Variants in RANBP17 observed in about 807,000 individuals in gnomAD.
RANBP17 encodes the protein RAN binding protein 17, also known as ran-binding protein 17.
Under a neutral mutation model 141.2 loss-of-function variants are expected in RANBP17, and 158 were observed. That is an observed-to-expected ratio of 1.12 (90% CI 0.98 to 1.28). The LOEUF (loss-of-function observed/expected upper bound fraction) is 1.28. Ranked by LOEUF, RANBP17 falls within the 50% of genes most tolerant of loss-of-function variation. The probability of loss-of-function intolerance (pLI) is 0.00; values close to 1 mark genes in which losing one functional copy is unlikely to be tolerated. For missense variants in RANBP17, 1,438 were observed against 1,290.7 expected, an observed-to-expected ratio of 1.11 and a Z score of -1.75; for synonymous variants, 430 against 450.0, an observed-to-expected ratio of 0.96 and a Z score of 0.56.
At chr5:171,163,084 A>T (rs1284966505) in intron 14 of RANBP17, among the ~76,000 whole-genome samples, 1 of 152,202 alleles carries the variant, frequency 6.6e-6, no homozygotes, top group African/African-American at 2.4e-5. Context: ...TCCTTATTCA[A>T]CTGAATGAGG....
At chr5:170,874,156 T>G (rs1230570141) in intron 1 of RANBP17, among the ~76,000 whole-genome samples, 4 of 152,166 alleles carry the variant, frequency 2.6e-5, no homozygotes, top group Non-Finnish European at 5.9e-5. Flanking sequence ...TGGTTTTGAG[T>G]GAGTTTCTTA....
intron 14 of RANBP17, among the ~76,000 whole-genome samples, chr5:171,100,102 GA>G (rs1192456144): frequency 1.3e-5 from 2 of 152,192 alleles, no homozygotes; most frequent in Non-Finnish European, 2.9e-5. Flanking sequence ...TTGGTATCAG[GA>G]TGATGCTGGC....
chr5:171,212,354 G>C (rs1405805876), intron 20 of RANBP17, among the ~76,000 whole-genome samples: 1 of 152,134 alleles, frequency 6.6e-6, no homozygotes, highest in Non-Finnish European at 1.5e-5. Context: ...GATGCCTTTG[G>C]ATAAAATAGA....
intron 3 of RANBP17, among the ~76,000 whole-genome samples, chr5:170,886,130 C>T (rs1376767974): frequency 2.6e-5 from 4 of 152,076 alleles, no homozygotes; most frequent in African/African-American, 4.8e-5. Context: ...TTATACAGTA[C>T]CGTGTGTACC....
At chr5:170,933,708 A>G (rs1165425838) in intron 12 of RANBP17, among the ~76,000 whole-genome samples, 1 of 152,106 alleles carries the variant, frequency 6.6e-6, no homozygotes, top group Non-Finnish European at 1.5e-5. Context: ...TTCAGTTTCC[A>G]TGTAGTTGAG....
intron 14 of RANBP17, chr5:171,158,617 T>C (rs922514119): frequency 1.8e-5 from 3 of 171,356 alleles, no homozygotes; most frequent in Non-Finnish European, 3.8e-5. Flanking sequence ...TCAAGTTTTG[T>C]TGTAACCTTT....
intron 14 of RANBP17, among the ~76,000 whole-genome samples, chr5:171,058,294 A>G (rs1411402323): frequency 7.1e-6 from 1 of 140,194 alleles, no homozygotes; most frequent in Non-Finnish European, 1.5e-5. Context: ...TATATCTCCT[A>G]ATGCTATCCC....
At chr5:171,294,596 G>A (rs967912751) in intron 26 of RANBP17, among the ~76,000 whole-genome samples, 1 of 152,210 alleles carries the variant, frequency 6.6e-6, no homozygotes, top group Non-Finnish European at 1.5e-5. Context: ...AGAGGCAGGT[G>A]CATGCATTAA....
chr5:171,109,557 T>C (rs1343720680), intron 14 of RANBP17, among the ~76,000 whole-genome samples: 2 of 152,196 alleles, frequency 1.3e-5, no homozygotes, highest in Non-Finnish European at 2.9e-5. Context: ...TTTGGTCACT[T>C]ATATAGAATG....
At chr5:171,121,382 ATCTTC>A (rs1756019514) in intron 14 of RANBP17, among the ~76,000 whole-genome samples, 1 of 152,198 alleles carries the variant, frequency 6.6e-6, no homozygotes, top group Admixed American at 6.5e-5. Flanking sequence ...ACAGGGTTGT[ATCTTC>A]CAAGAGCGCC....
At chr5:171,183,030 T>C in intron 16 of RANBP17, 137 bp from the exon 17 acceptor site, 8 of 565,566 alleles carry the variant, frequency 1.4e-5, no homozygotes, top group Non-Finnish European at 2.5e-5. Flanking sequence ...AGGAAAGACG[T>C]TTCTATAGGA....
intron 14 of RANBP17, among the ~76,000 whole-genome samples, chr5:171,120,268 C>T (rs1273689551): frequency 6.6e-6 from 1 of 152,158 alleles, no homozygotes; most frequent in Non-Finnish European, 1.5e-5. Context: ...AGACTTGAAG[C>T]CAGCACAGCA....
chr5:171,261,155 G>A (rs1766306110), intron 24 of RANBP17, among the ~76,000 whole-genome samples: 1 of 141,418 alleles, frequency 7.1e-6, no homozygotes, highest in Non-Finnish European at 1.5e-5. Context: ...GTGTTTAATG[G>A]ATTGAAACAG....
intron 11 of RANBP17, 55 bp downstream of exon 11, chr5:170,919,668 T>A: frequency 7.4e-7 from 1 of 1,358,894 alleles, no homozygotes; most frequent in African/African-American, 1.5e-5. Context: ...TGGAATTTTT[T>A]AAGATAAAGT....
At chr5:170,968,879 A>G (rs944665832) in intron 14 of RANBP17, 2 of 318,200 alleles carry the variant, frequency 6.3e-6, no homozygotes, top group African/African-American at 4.4e-5. Context: ...GTTTAGCATC[A>G]GTAAGTTAAG....
intron 8 of RANBP17, among the ~76,000 whole-genome samples, chr5:170,916,155 A>ATGCGTTATATTCTATATTGCATTATC (rs1561886523): frequency 2.4e-4 from 28 of 114,726 alleles, no homozygotes; most frequent in African/African-American, 8.3e-4. Flanking sequence ...ATTGCATTAT[A>ATGCGTTATATTCTATATTGCATTATC]ATGCGTTATA....
rs1783659208 is a variant in RANBP17, at chr5:171,059,508, G to A, written c.1710+91131G>A. The stretch of plus-strand genomic sequence containing the variant: ...GCGTTATTTCTGAGGGCTCTGTTCT[G>A]TTCCATTGATCTATATCTCTGTTTT... On this transcript the variant is annotated intron_variant, in intron 14 of 27. Coordinates refer to ENST00000523189, the MANE Select transcript of RANBP17 (RefSeq NM_022897.5). Among the ~76,000 whole-genome samples the A allele has an allele frequency of 2.0e-5, 3 of 151,062 alleles. No individual in the cohort carries two copies. The South Asian group carries it at 6.2e-4, about 31-fold the overall frequency.
intron 14 of RANBP17, among the ~76,000 whole-genome samples, chr5:171,097,958 A>G (rs1415076579): frequency 6.6e-6 from 1 of 152,084 alleles, no homozygotes; most frequent in Non-Finnish European, 1.5e-5. Flanking sequence ...CCTGCAAAGG[A>G]TATGAACTCA....
At chr5:171,269,263 C>T (rs137883102) in intron 25 of RANBP17, among the ~76,000 whole-genome samples, 2 of 152,270 alleles carry the variant, frequency 1.3e-5, no homozygotes, top group East Asian at 3.9e-4. Context: ...CTCAAAAGCT[C>T]TTTTGAATTG....
Sources: allele counts gnomAD v4.1 joint callset (sites outside exome capture counted in the v4.1 genomes callset), GRCh38; gene constraint gnomAD v4.1.1; transcripts MANE v1.5; gene names NCBI Gene and HGNC (gene_info 2026-07-23, HGNC 2026-07-21).